The following PLCB4 variants were observed in gnomAD, a reference collection of about 807,000 sequenced individuals.
PLCB4 encodes the protein phospholipase C beta 4, also known as 1-phosphatidylinositol 4,5-bisphosphate phosphodiesterase beta-4.
Under a neutral mutation model 178.8 loss-of-function variants are expected in PLCB4, and 77 were observed. The ratio of observed to expected loss-of-function variants is 0.43; its 90% CI spans 0.36 to 0.52. PLCB4 has a LOEUF of 0.52. Ranked by LOEUF, PLCB4 falls within the 20% of genes least tolerant of loss-of-function variation. The probability of loss-of-function intolerance (pLI) is 0.00; values close to 1 mark genes in which losing one functional copy is unlikely to be tolerated. For synonymous variants in PLCB4, 496 were observed against 490.8 expected (o/e 1.01, Z -0.14); for missense variants, 1,024 against 1,453.4 (o/e 0.70, Z 4.80).
intron 2 of PLCB4, among the ~76,000 whole-genome samples, chr20:9,138,782 G>A (rs1191721951): frequency 6.6e-6 from 1 of 152,094 alleles, no homozygotes; most frequent in African/African-American, 2.4e-5. Context: ...TAAAGCTTAA[G>A]GGGTCAGCAG....
chr20:9,450,658 C>CTTTTTTTTTTTTTTTTTTTTTTT (rs60982044), intron 32 of PLCB4, among the ~76,000 whole-genome samples: 2 of 100,274 alleles, frequency 2.0e-5, no homozygotes, highest in Non-Finnish European at 4.1e-5. Context: ...CTTTTCTTTT[C>CTTTTTTTTTTTTTTTTTTTTTTT]TTTTTTTTTT....
chr20:9,442,256 C>T (rs952885077), intron 30 of PLCB4, among the ~76,000 whole-genome samples: 1 of 152,210 alleles, frequency 6.6e-6, no homozygotes, highest in Non-Finnish European at 1.5e-5. Context: ...TCAAGAGCCA[C>T]AGATGGCTAG....
intron 3 of PLCB4, among the ~76,000 whole-genome samples, chr20:9,228,889 A>G (rs1279524379): frequency 6.6e-6 from 1 of 152,190 alleles, no homozygotes. Flanking sequence ...GATGGAGAGA[A>G]TGCTGAGAAG....
chr20:9,262,596 C>G (rs985389121), intron 3 of PLCB4, among the ~76,000 whole-genome samples: 17 of 152,104 alleles, frequency 1.1e-4, no homozygotes, highest in Non-Finnish European at 2.1e-4. Flanking sequence ...GTCTGGCATT[C>G]CATGAGGAAA....
chr20:9,163,890 A>G (rs1393143242), intron 2 of PLCB4, among the ~76,000 whole-genome samples: 1 of 152,190 alleles, frequency 6.6e-6, no homozygotes, highest in African/African-American at 2.4e-5. Context: ...AAATTGAAAT[A>G]ATAGAATTAA....
intron 4 of PLCB4, among the ~76,000 whole-genome samples, chr20:9,331,363 G>T (rs2031620278): frequency 6.6e-6 from 1 of 152,194 alleles, no homozygotes; most frequent in South Asian, 2.1e-4. Flanking sequence ...TCCCTAGCTG[G>T]TAATAAGACT....
At chr20:9,452,785 T>C (rs1217188874) in intron 32 of PLCB4, among the ~76,000 whole-genome samples, 1 of 152,140 alleles carries the variant, frequency 6.6e-6, no homozygotes, top group African/African-American at 2.4e-5. Flanking sequence ...AGTGAAAATA[T>C]TAAGTGATGT....
chr20:9,473,364 A>G lies in PLCB4; in HGVS notation c.3494A>G (p.Gln1165Arg), dbSNP rs1260872578. ...HLEFLEKQNE[Q>R]LLKSCHAVSQ... ...GAATTCCTAGAGAAACAGAATGAGCAGGTATTTTACCTAAAATACGTAAAA... is the reference window on the plus strand; with the variant it reads ...GAATTCCTAGAGAAACAGAATGAGCGGGTATTTTACCTAAAATACGTAAAA... The change falls in exon 38 of 40, where the codon CAG becomes CGG. Residue 1165 changes from glutamine to arginine, a missense_variant and splice_region_variant. This residue lies in a region of PLCB4 where 264 missense variants were observed against 283.2 expected (regional missense o/e 0.93). Transcript: ENST00000378473. 6.4e-7 allele frequency: 1 copy of G among 1,572,352 alleles called. No homozygotes were observed. Among genetic ancestry groups the G allele is most frequent in the East Asian group, 2.3e-5 (1 of 44,148 alleles).
At chr20:9,358,809 G>A (rs1319356569) in intron 7 of PLCB4, among the ~76,000 whole-genome samples, 1 of 152,078 alleles carries the variant, frequency 6.6e-6, no homozygotes, top group East Asian at 1.9e-4. Flanking sequence ...TGAGGAAGGA[G>A]AATCGCTTGA....
intron 2 of PLCB4, among the ~76,000 whole-genome samples, chr20:9,183,325 G>A (rs1261108857): frequency 1.3e-5 from 2 of 152,080 alleles, no homozygotes; most frequent in Non-Finnish European, 2.9e-5. Flanking sequence ...CCCTCCCTCA[G>A]TTAGTTCTGG....
intron 4 of PLCB4, among the ~76,000 whole-genome samples, chr20:9,315,120 A>G (rs1277719103): frequency 1.3e-5 from 2 of 152,194 alleles, no homozygotes; most frequent in Non-Finnish European, 2.9e-5. Flanking sequence ...TTTGAGGAAA[A>G]AGAACCTCTG....
At chr20:9,184,912 C>T (rs773774719) in intron 2 of PLCB4, among the ~76,000 whole-genome samples, 41 of 152,326 alleles carry the variant, frequency 2.7e-4, no homozygotes, top group Non-Finnish European at 3.8e-4. Flanking sequence ...TAGTTTACTA[C>T]CTATTTATGT....
chr20:9,252,857 A>G (rs1417904790), intron 3 of PLCB4, among the ~76,000 whole-genome samples: 1 of 152,050 alleles, frequency 6.6e-6, no homozygotes, highest in African/African-American at 2.4e-5. Context: ...AGGCCTTTGC[A>G]CTTAGATTGG....
At chr20:9,172,795 A>G (rs1331911822) in intron 2 of PLCB4, among the ~76,000 whole-genome samples, 1 of 152,202 alleles carries the variant, frequency 6.6e-6, no homozygotes, top group Non-Finnish European at 1.5e-5. Context: ...TATTAAGGCA[A>G]AATAATCTGG....
intron 23 of PLCB4, 75 bp from the exon 24 acceptor site, chr20:9,408,982 G>A (rs1046063012): frequency 1.1e-4 from 151 of 1,378,828 alleles, no homozygotes; most frequent in Admixed American, 1.9e-4. Flanking sequence ...CTAGACCTTT[G>A]TTGTTTTAGC....
intron 3 of PLCB4, among the ~76,000 whole-genome samples, chr20:9,269,123 T>TTA (rs1339646983): frequency 2.0e-5 from 3 of 152,212 alleles, no homozygotes; most frequent in Non-Finnish European, 4.4e-5. Flanking sequence ...AAGTTTTTCT[T>TTA]TAAACAAGTC....
intron 7 of PLCB4, among the ~76,000 whole-genome samples, chr20:9,340,792 A>G (rs777407764): frequency 6.6e-6 from 1 of 152,124 alleles, no homozygotes; most frequent in Non-Finnish European, 1.5e-5. Flanking sequence ...CATCTGTAAA[A>G]TGGGAACAGT....
intron 1 of PLCB4, among the ~76,000 whole-genome samples, chr20:9,075,324 A>G (rs562654546): frequency 2.2e-4 from 34 of 152,320 alleles, no homozygotes; most frequent in South Asian, 4.1e-4. Flanking sequence ...AGGCTGAGAT[A>G]TGACAAAAGC....
At chr20:9,203,053 A>AG (rs1568942444) in intron 2 of PLCB4, among the ~76,000 whole-genome samples, 2 of 132,520 alleles carry the variant, frequency 1.5e-5, no homozygotes, top group African/African-American at 6.3e-5. Context: ...AAAAAAAAAA[A>AG]AAAATATATA....
Sources: gnomAD v4.1 joint callset for allele counts (sites outside exome capture counted in the v4.1 genomes callset) on GRCh38, gnomAD v4.1.1 for gene constraint, gnomAD v4.1.1 regional missense constraint, MANE v1.5 for transcripts, NCBI Gene and HGNC (gene_info 2026-07-23, HGNC 2026-07-21) for gene names.